NCOA1: variants seen among roughly 807,000 people sequenced by gnomAD.
NCOA1 encodes nuclear receptor coactivator 1, also known as Hin-2 protein.
A neutral mutation model predicts 150.9 loss-of-function variants in NCOA1; 35 were observed. That is an observed-to-expected ratio of 0.23 (90% confidence interval 0.18 to 0.31). The LOEUF (loss-of-function observed/expected upper bound fraction) is 0.31. Ranked by LOEUF, NCOA1 falls within the 10% of genes least tolerant of loss-of-function variation. The pLI is 1.00. For synonymous variants in NCOA1, 590 were observed against 630.0 expected (o/e 0.94, Z 0.95); for missense variants, 1,491 against 1,749.3 (o/e 0.85, Z 2.63).
chr2:24,749,823 G>A (rs1293895311), intron 19 of NCOA1, among the ~76,000 whole-genome samples: 2 of 152,198 alleles, frequency 1.3e-5, no homozygotes, highest in African/African-American at 4.8e-5. Context: ...TACCTGTAAT[G>A]AGGAGAAAAA....
At chr2:24,629,969 G>T (rs544426745) in intron 3 of NCOA1, among the ~76,000 whole-genome samples, 1 of 151,148 alleles carries the variant, frequency 6.6e-6, no homozygotes, top group Non-Finnish European at 1.5e-5. Flanking sequence ...TCAGCCTCCG[G>T]AGTAGCTGGG....
intron 3 of NCOA1, among the ~76,000 whole-genome samples, chr2:24,634,506 G>A (rs1669846404): frequency 6.6e-6 from 1 of 152,032 alleles, no homozygotes; most frequent in Admixed American, 6.6e-5. Flanking sequence ...TTCTTAAATG[G>A]GAATTCAGGT....
intron 14 of NCOA1, 145 bp downstream of exon 14, chr2:24,711,256 A>G (rs534643368): frequency 2.6e-6 from 2 of 762,438 alleles, no homozygotes; most frequent in South Asian, 5.1e-5. Flanking sequence ...AAACAGTTAT[A>G]TTTAGGCATG....
chr2:24,693,044 A>G (rs1272781250), intron 9 of NCOA1, among the ~76,000 whole-genome samples: 2 of 152,054 alleles, frequency 1.3e-5, no homozygotes. Flanking sequence ...TGTGTTTTTT[A>G]GTAGATACAG....
At chr2:24,662,376 A>G (rs754642663) in intron 5 of NCOA1, among the ~76,000 whole-genome samples, 3 of 152,172 alleles carry the variant, frequency 2.0e-5, no homozygotes, top group South Asian at 2.1e-4. Flanking sequence ...AATATTTCCA[A>G]TTCAACTCAA....
intron 8 of NCOA1, among the ~76,000 whole-genome samples, chr2:24,684,059 A>G (rs941587359): frequency 5.3e-5 from 8 of 152,192 alleles, no homozygotes; most frequent in African/African-American, 1.7e-4. Context: ...AGACTCTACC[A>G]TACCGTTTAG....
intron 3 of NCOA1, among the ~76,000 whole-genome samples, chr2:24,637,930 A>G (rs902882630): frequency 1.3e-5 from 2 of 152,098 alleles, no homozygotes; most frequent in Non-Finnish European, 2.9e-5. Flanking sequence ...TCCCGAGCTC[A>G]AGTGATCTGC....
intron 3 of NCOA1, among the ~76,000 whole-genome samples, chr2:24,591,194 A>C (rs1000108960): frequency 6.6e-6 from 1 of 152,226 alleles, no homozygotes; most frequent in East Asian, 1.9e-4. Context: ...TGAAATGAGC[A>C]AGAAATAATT....
chr2:24,532,789 T>A (rs1303656584), intron 1 of NCOA1, among the ~76,000 whole-genome samples: 2 of 152,216 alleles, frequency 1.3e-5, no homozygotes, highest in Non-Finnish European at 2.9e-5. Context: ...TTCTGAGGCC[T>A]CTGTTCTGTT....
At chr2:24,559,770 C>T (rs932798143) in intron 1 of NCOA1, among the ~76,000 whole-genome samples, 3 of 25,356 alleles carry the variant, frequency 1.2e-4, no homozygotes, top group African/African-American at 4.4e-4. Context: ...GCTCTGTACT[C>T]CACCACCTGG....
At chr2:24,729,311 A>T (rs138629649) in intron 16 of NCOA1, among the ~76,000 whole-genome samples, 190 bp from the exon 17 acceptor site, 1 of 152,234 alleles carries the variant, frequency 6.6e-6, no homozygotes, top group East Asian at 1.9e-4. Context: ...CTTTACTGAG[A>T]TTTTAAATAT....
chr2:24,684,169 G>A (rs1202404406), intron 8 of NCOA1, among the ~76,000 whole-genome samples: 1 of 152,144 alleles, frequency 6.6e-6, no homozygotes, highest in African/African-American at 2.4e-5. Context: ...CCTTGGCCAT[G>A]GACTGTAGAT....
intron 4 of NCOA1, among the ~76,000 whole-genome samples, chr2:24,651,879 T>G (rs920224482): frequency 2.0e-5 from 3 of 152,072 alleles, no homozygotes; most frequent in Non-Finnish European, 4.4e-5. Flanking sequence ...AGACAGGAAA[T>G]AACTCTTTAT....
At chr2:24,602,509 G>T (rs1244316697) in intron 3 of NCOA1, among the ~76,000 whole-genome samples, 2 of 152,054 alleles carry the variant, frequency 1.3e-5, no homozygotes, top group African/African-American at 2.4e-5. Flanking sequence ...CAACAGTAAG[G>T]TTTTAAAAAA....
intron 1 of NCOA1, among the ~76,000 whole-genome samples, chr2:24,517,432 C>T (rs549758559): frequency 6.6e-6 from 1 of 152,160 alleles, no homozygotes; most frequent in Non-Finnish European, 1.5e-5. Flanking sequence ...TTTCTCACAG[C>T]CAGGCCCTTC....
At chr2:24,549,611 G>T (rs190360742) in intron 1 of NCOA1, among the ~76,000 whole-genome samples, 227 of 152,204 alleles carry the variant, frequency 1.5e-3, no homozygotes, top group Middle Eastern at 6.8e-3. Context: ...CTGTCACCCA[G>T]GCTGGAGTGC....
rs1291811741 is a variant in NCOA1 at position 24,762,691 on chromosome 2, A to G, written c.4070A>G (p.Asn1357Ser). The G allele has an allele frequency of 1.2e-6, 2 of 1,613,342 alleles. No homozygotes were observed. Among genetic ancestry groups the G allele is most frequent in the African/African-American group, 1.3e-5 (1 of 74,924 alleles). Residue 1357 changes from asparagine (N) to serine (S), a missense_variant, in exon 22 of 23, where the codon AAT (asparagine) becomes AGT (serine). Physicochemically the swap from Asn to Ser is conservative, Grantham distance 46 (BLOSUM62 1). Coordinates refer to ENST00000348332, the MANE Select transcript of NCOA1 (RefSeq NM_003743.5). ...GMNTVCPEQINDPALRHTGLY... is the reference protein window; with the variant it reads ...GMNTVCPEQISDPALRHTGLY... ...TCTTGTATTTATCTTTAATAGATAAATGATCCCGCACTGAGACACACAGGC... is the reference window on the plus strand; with the variant it reads ...TCTTGTATTTATCTTTAATAGATAAGTGATCCCGCACTGAGACACACAGGC...
chr2:24,690,610 C>T (rs1291402666), intron 8 of NCOA1, among the ~76,000 whole-genome samples: 4 of 123,594 alleles, frequency 3.2e-5, no homozygotes, highest in African/African-American at 1.2e-4. Context: ...CGAGATCACA[C>T]CATTGCACTC....
chr2:24,506,514 A>G (rs1177411313), intron 1 of NCOA1, among the ~76,000 whole-genome samples: 2 of 152,204 alleles, frequency 1.3e-5, no homozygotes, highest in Non-Finnish European at 2.9e-5. Flanking sequence ...CCATTGGTGC[A>G]GATTCAGAAT....
Sources: gnomAD v4.1 joint callset for allele counts (sites outside exome capture counted in the v4.1 genomes callset) on GRCh38, gnomAD v4.1.1 for gene constraint, MANE v1.5 for transcripts, NCBI Gene and HGNC (gene_info 2026-07-23, HGNC 2026-07-21) for gene names.